PIWIL1: variants seen among roughly 807,000 people sequenced by gnomAD.
PIWIL1 encodes the protein piwi-like protein 1.
Under a neutral mutation model 114.4 loss-of-function variants are expected in PIWIL1, and 73 were observed. That is an observed-to-expected ratio of 0.64 (90% confidence interval 0.53 to 0.78). PIWIL1 has a LOEUF of 0.78. Ranked by LOEUF, PIWIL1 falls within the 30% of genes least tolerant of loss-of-function variation. The pLI, the probability that PIWIL1 is intolerant of heterozygous loss-of-function variation, is 0.00. For missense variants in PIWIL1, 723 were observed against 1,063.1 expected (o/e 0.68, Z 4.45); for synonymous variants, 375 against 369.0 (o/e 1.02, Z -0.19).
chr12:130,420,598 A>C, the PIWIL1 span, among the ~76,000 whole-genome samples: 2 of 150,994 alleles, frequency 1.3e-5, no homozygotes, highest in African/African-American at 4.9e-5. The surrounding 1 kb of genome is among the most constrained non-coding windows in gnomAD (Gnocchi z 4.3). Context: ...ATGCAGTTTT[A>C]AAAAAAAAGT....
At chr12:130,400,625 G>T in the PIWIL1 span, among the ~76,000 whole-genome samples, 1 of 152,116 alleles carries the variant, frequency 6.6e-6, no homozygotes, top group Non-Finnish European at 1.5e-5. Flanking sequence ...TATGGTCTAG[G>T]AAATGACATA....
At chr12:130,351,338 C>T (rs2073204589) in intron 9 of PIWIL1, 1 of 152,282 alleles carries the variant, frequency 6.6e-6, no homozygotes, top group South Asian at 2.1e-4. Flanking sequence ...TCTGCCCAGA[C>T]CCCTTTTACT....
intron 3 of PIWIL1, among the ~76,000 whole-genome samples, chr12:130,345,014 G>T (rs925559830): frequency 6.6e-5 from 10 of 152,170 alleles, no homozygotes; most frequent in African/African-American, 2.2e-4. Context: ...TTGACAGCTG[G>T]AATTTTAATG....
chr12:130,405,949 C>G, the PIWIL1 span, among the ~76,000 whole-genome samples: 2 of 152,098 alleles, frequency 1.3e-5, no homozygotes, highest in Non-Finnish European at 2.9e-5. Flanking sequence ...ATTGAAAACA[C>G]TAGTATTAGC....
the PIWIL1 span, chr12:130,397,818 T>A: frequency 3.6e-6 from 1 of 274,178 alleles, no homozygotes. Flanking sequence ...CAGGTAATAA[T>A]TCACTTCATA....
chr12:130,357,692 C>A, intron 14 of PIWIL1, 139 bp downstream of exon 14: 1 of 625,884 alleles, frequency 1.6e-6, no homozygotes. Flanking sequence ...GTTTTGTAAC[C>A]ATAAAGTAGC....
the PIWIL1 span, among the ~76,000 whole-genome samples, chr12:130,378,834 G>A: frequency 6.6e-6 from 1 of 152,264 alleles, no homozygotes; most frequent in East Asian, 1.9e-4. Context: ...AGTTGTTTAT[G>A]TATTCTGGAT....
intron 3 of PIWIL1, among the ~76,000 whole-genome samples, chr12:130,344,675 C>G (rs556581123): frequency 7.2e-5 from 11 of 152,336 alleles, no homozygotes; most frequent in African/African-American, 2.6e-4. Context: ...GGGCTCATGA[C>G]TGCCATCATT....
chr12:130,406,058 C>T, the PIWIL1 span: 625 of 681,720 alleles, frequency 9.2e-4, 8 homozygotes, highest in South Asian at 6.2e-3. Flanking sequence ...TATCAGCAGG[C>T]GTATGACGTT....
chr12:130,384,147 A>T, the PIWIL1 span, among the ~76,000 whole-genome samples: 5 of 152,216 alleles, frequency 3.3e-5, no homozygotes, highest in Admixed American at 2.0e-4. Context: ...TATTAGACTT[A>T]CAGTATAATC....
chr12:130,413,071 A>T, the PIWIL1 span, among the ~76,000 whole-genome samples: 1 of 152,018 alleles, frequency 6.6e-6, no homozygotes, highest in Admixed American at 6.5e-5. Context: ...ATGTTATTTA[A>T]ATTCACGCAC....
chr12:130,360,596 G>A (rs2073483792), intron 14 of PIWIL1, among the ~76,000 whole-genome samples: 1 of 152,174 alleles, frequency 6.6e-6, no homozygotes, highest in Non-Finnish European at 1.5e-5. Flanking sequence ...TCGCACCACT[G>A]CATTCCAGCC....
the PIWIL1 span, chr12:130,399,034 G>T: frequency 9.7e-6 from 6 of 619,712 alleles, no homozygotes; most frequent in South Asian, 4.4e-5. Flanking sequence ...ACCCCACAAT[G>T]AAGCCTTAAG....
chr12:130,411,156 C>G, the PIWIL1 span, among the ~76,000 whole-genome samples: 2 of 152,182 alleles, frequency 1.3e-5, no homozygotes, highest in Non-Finnish European at 1.5e-5. Flanking sequence ...TTTCATTGCT[C>G]ACATATGGAA....
At chr12:130,424,789 T>C in the PIWIL1 span, 3,906 of 1,232,876 alleles carry the variant, frequency 3.2e-3, 92 homozygotes, top group African/African-American at 0.053. The surrounding 1 kb of genome is among the most constrained non-coding windows in gnomAD (Gnocchi z 9.8). Context: ...AGTCTCTTCC[T>C]GTGGGGCTGG....
the PIWIL1 span, chr12:130,399,884 G>C: frequency 6.5e-7 from 1 of 1,535,260 alleles, no homozygotes; most frequent in African/African-American, 1.4e-5. Flanking sequence ...TTGGCTAAAG[G>C]AATACAGCTC....
chr12:130,388,475 T>C, the PIWIL1 span, among the ~76,000 whole-genome samples: 4 of 152,240 alleles, frequency 2.6e-5, no homozygotes, highest in South Asian at 8.3e-4. Flanking sequence ...TTTTAGAATA[T>C]ATTTGTAACA....
At position 130,349,898 on chromosome 12, in the gene PIWIL1, C is replaced by T. The variant is rs752532244; in HGVS notation, c.975C>T (p.Asp325=). The T allele has an allele frequency of 1.2e-6, 2 of 1,612,682 alleles. No individual in the cohort carries two copies. Among genetic ancestry groups the T allele is most frequent in the South Asian group, 2.2e-5 (2 of 90,960 alleles). ...ACAGAGTGGATGATATTGACTGGGA[C>T]CAGAATCCCAAGAGCACCTTTAAGA... is the stretch of plus-strand genomic sequence containing the variant. The part of the protein sequence containing the change: ...KTYRVDDIDW[D]QNPKSTFKKA... The change falls in exon 9 of 21, where the codon GAC becomes GAT. Residue 325 remains aspartate (D), a synonymous_variant. Transcript: ENST00000245255.
At chr12:130,343,907 G>A (rs570470560) in intron 3 of PIWIL1, among the ~76,000 whole-genome samples, 166 of 152,266 alleles carry the variant, frequency 1.1e-3, no homozygotes, top group African/African-American at 3.7e-3. Context: ...GATTACAGGC[G>A]TGAGCCACCG....
Sources: allele counts gnomAD v4.1 joint callset (sites outside exome capture counted in the v4.1 genomes callset), GRCh38; gene constraint gnomAD v4.1.1; non-coding constraint Gnocchi (gnomAD v3.1); transcripts MANE v1.5; gene names NCBI Gene and HGNC (gene_info 2026-07-23, HGNC 2026-07-21).